The following CSMD1 variants were observed in gnomAD, a reference collection of about 807,000 sequenced individuals.
CSMD1 encodes CUB and Sushi multiple domains 1.
CSMD1 carries 213 observed loss-of-function variants against 417.5 expected under a neutral mutation model. The ratio of observed to expected loss-of-function variants is 0.51; its 90% CI spans 0.46 to 0.57. The LOEUF (loss-of-function observed/expected upper bound fraction) is 0.57. CSMD1 is among the 20% of genes least tolerant of loss of function. CSMD1 has a pLI of 0.00. For synonymous variants in CSMD1, 2,862 were observed against 1,736.8 expected (o/e 1.65, Z -16.11); for missense variants, 6,923 against 4,529.7 (o/e 1.53, Z -15.17).
chr8:4,602,254 G>C (rs1268230529), intron 2 of CSMD1, among the ~76,000 whole-genome samples: 2 of 152,080 alleles, frequency 1.3e-5, no homozygotes, highest in East Asian at 1.9e-4. Flanking sequence ...TATTTTAGAA[G>C]AGAAAATCTC....
chr8:3,523,281 G>A (rs557885545), intron 10 of CSMD1, among the ~76,000 whole-genome samples: 1 of 150,830 alleles, frequency 6.6e-6, no homozygotes. Context: ...GCCTACATAA[G>A]AATAACCTAT....
At chr8:3,706,969 T>A (rs1367084170) in intron 7 of CSMD1, among the ~76,000 whole-genome samples, 2 of 152,150 alleles carry the variant, frequency 1.3e-5, no homozygotes, top group Non-Finnish European at 2.9e-5. Context: ...CAATAGAAAG[T>A]GCCATGCAAA....
Position 4,429,179 on chromosome 8 carries a change from T to C in CSMD1, c.303-9114A>G, listed in dbSNP as rs896677664. On this transcript the variant is annotated intron_variant, in intron 2 of 69. Transcript: ENST00000635120. ...TATATATAATATATATTTATATAAT[T>C]GGATAGAATTCTAAAAGGATCATGC... Among the ~76,000 whole-genome samples the C allele has an allele frequency of 1.1e-4, 17 of 151,098 alleles. No individual in the cohort carries two copies. In the East Asian group the frequency reaches 3.3e-3, roughly 29 times the overall value.
intron 2 of CSMD1, among the ~76,000 whole-genome samples, chr8:4,425,042 CTAT>C (rs1168566292): frequency 6.6e-6 from 1 of 151,936 alleles, no homozygotes; most frequent in Non-Finnish European, 1.5e-5. Context: ...TGAACAAAAA[CTAT>C]TGAGGATAAT....
At position 3,606,267 on chromosome 8, in the gene CSMD1, G is replaced by C. The variant is rs117880156; in HGVS notation, c.1097+10443C>G. 6.4e-4 allele frequency among the ~76,000 whole-genome samples: 98 copies of C among 152,198 alleles called. 1 individual carries two copies. The East Asian group carries it at 0.018, about 28-fold the overall frequency. ...TGCATTGTTAGGCAATTTGGTGGTT[G>C]TGCGAACATCACAGAGGGCCCTTAC... On this transcript the variant is annotated intron_variant, in intron 8 of 69. Coordinates refer to ENST00000635120, the MANE Select transcript of CSMD1 (RefSeq NM_033225.6).
chr8:3,733,495 C>T (rs925634365), intron 6 of CSMD1, among the ~76,000 whole-genome samples: 5 of 151,784 alleles, frequency 3.3e-5, no homozygotes, highest in South Asian at 2.1e-4. Context: ...CAGTTACCCA[C>T]GGTCAACCGC....
intron 3 of CSMD1, among the ~76,000 whole-genome samples, chr8:4,190,404 T>A (rs112897356): frequency 6.6e-6 from 1 of 152,160 alleles, no homozygotes; most frequent in Non-Finnish European, 1.5e-5. Context: ...AGAATGGTTA[T>A]GACATTTAAT....
intron 3 of CSMD1, among the ~76,000 whole-genome samples, chr8:4,304,656 A>C (rs1040472202): frequency 1.3e-5 from 2 of 152,174 alleles, no homozygotes; most frequent in Non-Finnish European, 2.9e-5. Context: ...ATACCCAAAT[A>C]ATGCACCTAT....
At chr8:4,197,649 C>A (rs1051405216) in intron 3 of CSMD1, among the ~76,000 whole-genome samples, 2 of 152,148 alleles carry the variant, frequency 1.3e-5, no homozygotes, top group African/African-American at 4.8e-5. Context: ...GAGGCCGAGG[C>A]AGGTGGATCA....
rs148332750 is a variant in CSMD1 at position 2,976,771 on chromosome 8, G to C, written c.8566+1841C>G. Reference sequence around the variant, plus strand: ...AGTAACACCTTTTCCTAAATCTTCAGACTATGATCTTAAGACATGATTCTC... The same window carrying C: ...AGTAACACCTTTTCCTAAATCTTCACACTATGATCTTAAGACATGATTCTC... On this transcript the variant is annotated intron_variant, in intron 55 of 69. Transcript: ENST00000635120. Among the ~76,000 whole-genome samples, 428 of 152,204 alleles carry C rather than the reference G, an allele frequency of 2.8e-3. 3 individuals are homozygous for C. Among genetic ancestry groups the C allele is most frequent in the African/African-American group, 9.8e-3 (407 of 41,550 alleles).
intron 2 of CSMD1, among the ~76,000 whole-genome samples, chr8:4,488,814 C>T (rs1801551207): frequency 6.6e-6 from 1 of 152,330 alleles, no homozygotes; most frequent in Non-Finnish European, 1.5e-5. Flanking sequence ...TATTTCCTCT[C>T]TGCAAAGAGA....
rs182591436 is a variant in CSMD1 at position 3,988,080 on chromosome 8, G to C, written c.818+9823C>G. Among the ~76,000 whole-genome samples the C allele has an allele frequency of 3.4e-3, 516 of 152,324 alleles. 2 individuals are homozygous for C. Among genetic ancestry groups the C allele is most frequent in the Admixed American group, 7.8e-3 (120 of 15,294 alleles). On this transcript the variant is annotated intron_variant, in intron 5 of 69. Transcript: ENST00000635120. ...CTGTGCCTAAAAACATAGGGAAGCT[G>C]TTGAAATATTGTGATTTTTTTATAC...
chr8:3,446,194 A>T lies in CSMD1; in HGVS notation c.1561+22518T>A, dbSNP rs559108735. ...AAAAAGAAAAGAGGATGAGGGAGAA[A>T]AAAATCGTGAATGCACTTTCTGAAG... On this transcript the variant is annotated intron_variant, in intron 12 of 69. Transcript: ENST00000635120. Among the ~76,000 whole-genome samples the T allele has an allele frequency of 2.6e-5, 4 of 152,270 alleles. No individual in the cohort carries two copies. In the East Asian group the frequency reaches 7.7e-4, roughly 29 times the overall value.
chr8:4,387,947 T>C (rs12550295), intron 3 of CSMD1, among the ~76,000 whole-genome samples: 1 of 152,100 alleles, frequency 6.6e-6, no homozygotes, highest in Admixed American at 6.6e-5. Flanking sequence ...AAGGATTTCA[T>C]GTCTGGTAAT....
At chr8:4,955,091 T>C (rs1465928565) in intron 1 of CSMD1, among the ~76,000 whole-genome samples, 1 of 152,178 alleles carries the variant, frequency 6.6e-6, no homozygotes, top group Non-Finnish European at 1.5e-5. Context: ...AACAATCGCT[T>C]CAGCATCACA....
In CSMD1 at chr8:3,225,473, C is replaced by T. The variant is rs371286328; in HGVS notation, c.4346-1606G>A. ...ACAGGGCAGTGCCTCCTCAGAATCA[C>T]GCCGGGGCTGCTGACAGCATCGAGC... On this transcript the variant is annotated intron_variant, in intron 27 of 69. Coordinates refer to ENST00000635120, the MANE Select transcript of CSMD1 (RefSeq NM_033225.6). Among the ~76,000 whole-genome samples the T allele has an allele frequency of 1.4e-4, 22 of 151,834 alleles. No individual in the cohort carries two copies. The East Asian group carries it at 3.7e-3, about 25-fold the overall frequency.
At chr8:2,948,387 G>A (rs1054710712) in intron 68 of CSMD1, among the ~76,000 whole-genome samples, 2 of 151,910 alleles carry the variant, frequency 1.3e-5, no homozygotes, top group Non-Finnish European at 2.9e-5. Flanking sequence ...TCTGATGATT[G>A]TTTCCACATA....
chr8:4,423,731 C>G (rs1034738757), intron 2 of CSMD1, among the ~76,000 whole-genome samples: 14 of 122,568 alleles, frequency 1.1e-4, no homozygotes, highest in Non-Finnish European at 2.2e-4. Flanking sequence ...GGAAGGCAAA[C>G]AAACAAAAAA....
intron 69 of CSMD1, among the ~76,000 whole-genome samples, chr8:2,940,878 G>T (rs928613288): frequency 6.6e-6 from 1 of 152,150 alleles, no homozygotes; most frequent in African/African-American, 2.4e-5. Flanking sequence ...TGTAGGAATT[G>T]TAAGTTCCTA....
Sources: gnomAD v4.1 joint callset for allele counts (sites outside exome capture counted in the v4.1 genomes callset) on GRCh38, gnomAD v4.1.1 for gene constraint, MANE v1.5 for transcripts, NCBI Gene and HGNC (gene_info 2026-07-23, HGNC 2026-07-21) for gene names.